EYS: variants seen among roughly 807,000 people sequenced by gnomAD.
The protein encoded by EYS is protein eyes shut homolog.
In EYS, 250 loss-of-function variants were observed where a neutral mutation model predicts 282.1. The ratio of observed to expected loss-of-function variants is 0.89; its 90% CI spans 0.80 to 0.98. EYS has a LOEUF of 0.98. EYS is among the 50% of genes least tolerant of loss of function. The pLI is 0.00. For missense variants in EYS, 4,016 were observed against 3,709.0 expected (o/e 1.08, Z -2.15); for synonymous variants, 1,355 against 1,282.9 (o/e 1.06, Z -1.20).
intron 19 of EYS, among the ~76,000 whole-genome samples, chr6:64,847,266 G>T (rs748283514): frequency 7.9e-5 from 12 of 151,256 alleles, no homozygotes; most frequent in Non-Finnish European, 1.6e-4. Context: ...ATCTCTGTGT[G>T]TATGTATATG....
intron 12 of EYS, among the ~76,000 whole-genome samples, chr6:65,161,767 A>C (rs1037957375): frequency 4.6e-5 from 7 of 151,190 alleles, no homozygotes; most frequent in African/African-American, 9.7e-5. Flanking sequence ...TTGTGAAGCA[A>C]TATGTAGTAA....
At chr6:64,928,033 A>G (rs1358830791) in intron 15 of EYS, among the ~76,000 whole-genome samples, 2 of 152,116 alleles carry the variant, frequency 1.3e-5, no homozygotes, top group Non-Finnish European at 2.9e-5. Context: ...GTTCAGTGGT[A>G]GTTACACAAG....
At chr6:64,964,294 T>G (rs1770025260) in intron 14 of EYS, among the ~76,000 whole-genome samples, 1 of 152,166 alleles carries the variant, frequency 6.6e-6, no homozygotes, top group Non-Finnish European at 1.5e-5. Context: ...TCTGTCTGAC[T>G]TCCTTCCCTT....
intron 33 of EYS, among the ~76,000 whole-genome samples, chr6:64,026,803 C>T (rs565301564): frequency 9.9e-5 from 15 of 152,232 alleles, no homozygotes; most frequent in Admixed American, 2.0e-4. Context: ...CCTAGGCTAT[C>T]GGTTATGTCC....
intron 8 of EYS, among the ~76,000 whole-genome samples, chr6:65,380,110 A>T (rs1765553970): frequency 6.6e-6 from 1 of 151,266 alleles, no homozygotes; most frequent in South Asian, 2.1e-4. Context: ...ACAGAACTAG[A>T]AAAAAATACT....
chr6:64,085,033 A>G (rs1008762472), intron 31 of EYS, among the ~76,000 whole-genome samples: 10 of 151,786 alleles, frequency 6.6e-5, no homozygotes, highest in African/African-American at 2.4e-4. Flanking sequence ...TTTTTTTGAG[A>G]CAGAGTCTTG....
At chr6:63,878,978 G>T (rs1169708547) in intron 35 of EYS, among the ~76,000 whole-genome samples, 2 of 152,168 alleles carry the variant, frequency 1.3e-5, no homozygotes, top group East Asian at 3.9e-4. Context: ...TGTGCAACAA[G>T]CCCTGGTGAG....
At chr6:65,546,544 A>AT (rs1020903391) in intron 2 of EYS, among the ~76,000 whole-genome samples, 1 of 147,422 alleles carries the variant, frequency 6.8e-6, no homozygotes, top group Non-Finnish European at 1.5e-5. Context: ...ATTCATTTGT[A>AT]TTTTTTTATT....
intron 12 of EYS, among the ~76,000 whole-genome samples, chr6:65,111,760 T>C (rs900439854): frequency 6.6e-6 from 1 of 152,142 alleles, no homozygotes; most frequent in Non-Finnish European, 1.5e-5. Flanking sequence ...AGCAAGAGAA[T>C]CATTTGAACC....
intron 22 of EYS, among the ~76,000 whole-genome samples, chr6:64,777,434 C>CA (rs1406261624): frequency 4.0e-5 from 6 of 151,882 alleles, no homozygotes; most frequent in African/African-American, 9.6e-5. Flanking sequence ...TCTAAAAGGA[C>CA]AAAAAAATAA....
intron 8 of EYS, among the ~76,000 whole-genome samples, chr6:65,365,551 T>C (rs1241743937): frequency 1.3e-5 from 2 of 149,800 alleles, no homozygotes; most frequent in Non-Finnish European, 3.0e-5. Flanking sequence ...CAATTAAAGT[T>C]AAGATATATA....
chr6:65,554,149 C>T (rs1768702902), intron 2 of EYS, among the ~76,000 whole-genome samples: 1 of 152,148 alleles, frequency 6.6e-6, no homozygotes, highest in African/African-American at 2.4e-5. Context: ...GTCACTGGAT[C>T]TCTGTCTTCT....
At chr6:64,013,504 G>T (rs1167457002) in intron 33 of EYS, among the ~76,000 whole-genome samples, 1 of 152,144 alleles carries the variant, frequency 6.6e-6, no homozygotes, top group Non-Finnish European at 1.5e-5. Context: ...AGTGTCAATG[G>T]GATGCTGGAG....
At chr6:65,066,230 G>C (rs1469303756) in intron 12 of EYS, among the ~76,000 whole-genome samples, 1 of 152,080 alleles carries the variant, frequency 6.6e-6, no homozygotes, top group East Asian at 1.9e-4. Flanking sequence ...CATGTATATT[G>C]TTACTAGAAT....
intron 2 of EYS, among the ~76,000 whole-genome samples, chr6:65,588,204 T>C (rs1765119441): frequency 6.6e-6 from 1 of 152,060 alleles, no homozygotes; most frequent in African/African-American, 2.4e-5. Context: ...GCCACATATT[T>C]TTGTATTGTG....
intron 2 of EYS, among the ~76,000 whole-genome samples, chr6:65,619,094 G>T (rs1366378729): frequency 4.6e-5 from 7 of 151,852 alleles, no homozygotes; most frequent in South Asian, 2.1e-4. Flanking sequence ...GTGAAGAAAG[G>T]CATTGGTAGA....
intron 26 of EYS, among the ~76,000 whole-genome samples, chr6:64,583,775 A>G (rs1766147107): frequency 6.6e-6 from 1 of 152,094 alleles, no homozygotes; most frequent in Non-Finnish European, 1.5e-5. Flanking sequence ...AGCCTGGGCA[A>G]CAAGAATGAG....
intron 12 of EYS, among the ~76,000 whole-genome samples, chr6:65,273,776 G>A (rs1200847379): frequency 2.6e-5 from 4 of 152,094 alleles, no homozygotes; most frequent in Non-Finnish European, 5.9e-5. Flanking sequence ...TGCTTCTGTA[G>A]GTCTGCTTAT....
intron 12 of EYS, among the ~76,000 whole-genome samples, chr6:65,075,957 T>C (rs970449272): frequency 6.6e-6 from 1 of 151,982 alleles, no homozygotes; most frequent in East Asian, 1.9e-4. Flanking sequence ...ACTGCAGTTT[T>C]TATCTGACAG....
Sources: gnomAD v4.1 joint callset for allele counts (sites outside exome capture counted in the v4.1 genomes callset) on GRCh38, gnomAD v4.1.1 for gene constraint, MANE v1.5 for transcripts, NCBI Gene and HGNC (gene_info 2026-07-23, HGNC 2026-07-21) for gene names.